MEGF11: variants seen among roughly 807,000 people sequenced by gnomAD.
The protein encoded by MEGF11 is multiple epidermal growth factor-like domains protein 11.
A neutral mutation model predicts 146.6 loss-of-function variants in MEGF11; 126 were observed. The observed-to-expected ratio is 0.86, with a 90% confidence interval of 0.74 to 1.00. The LOEUF is 1.00. Among genes scored for constraint, MEGF11 ranks in the 50% least tolerant of loss-of-function variants. MEGF11 has a pLI of 0.00. For synonymous variants in MEGF11, 532 were observed against 583.4 expected, an observed-to-expected ratio of 0.91 and a Z score of 1.27; for missense variants, 1,509 against 1,521.2, an observed-to-expected ratio of 0.99 and a Z score of 0.13.
intron 4 of MEGF11, among the ~76,000 whole-genome samples, chr15:66,103,190 T>A (rs1252782792): frequency 6.6e-6 from 1 of 152,186 alleles, no homozygotes; most frequent in Admixed American, 6.5e-5. Flanking sequence ...TGCAGCCATA[T>A]CCCATCAGCT....
rs957595114 is a variant in MEGF11, at chr15:66,069,573, T to G, written c.394+24829A>C. Among the ~76,000 whole-genome samples, 6 of 152,338 alleles carry G rather than the reference T, an allele frequency of 3.9e-5. No individual in the cohort carries two copies. In the East Asian group the frequency reaches 1.2e-3, roughly 29 times the overall value. On this transcript the variant is annotated intron_variant, in intron 5 of 25. Coordinates refer to ENST00000395614, the MANE Select transcript of MEGF11 (RefSeq NM_001385028.1). ...GGTCCCACAGTCGGGACCATGGTGATGCTGGGATAGGACCATCCTGCCTCC... is the reference window on the plus strand; with the variant it reads ...GGTCCCACAGTCGGGACCATGGTGAGGCTGGGATAGGACCATCCTGCCTCC...
intron 1 of MEGF11, among the ~76,000 whole-genome samples, chr15:66,162,229 A>G (rs2089972364): frequency 6.6e-6 from 1 of 152,212 alleles, no homozygotes. Context: ...CAATCAGGCA[A>G]TTTTTAAAAA....
chr15:66,117,666 A>G (rs7179647), intron 4 of MEGF11, among the ~76,000 whole-genome samples: 88,294 of 151,840 alleles, frequency 0.58, 26,030 homozygotes, highest in East Asian at 0.83. Context: ...CCCGTGTCCT[A>G]CCCCTGGTCT....
intron 5 of MEGF11, among the ~76,000 whole-genome samples, chr15:65,992,622 A>T (rs2082087941): frequency 6.6e-6 from 1 of 150,586 alleles, no homozygotes; most frequent in South Asian, 2.1e-4. Flanking sequence ...AGTCAAATTT[A>T]TCAACTTCGG....
At chr15:65,977,467 C>T (rs1282966665) in intron 7 of MEGF11, among the ~76,000 whole-genome samples, 1 of 150,318 alleles carries the variant, frequency 6.7e-6, no homozygotes, top group Non-Finnish European at 1.5e-5. Context: ...GCCCCAAAAA[C>T]TCTCTCCCTC....
intron 5 of MEGF11, among the ~76,000 whole-genome samples, chr15:66,005,929 C>T (rs554605499): frequency 3.1e-4 from 47 of 152,336 alleles, no homozygotes; most frequent in African/African-American, 1.1e-3. Context: ...TTCTCCAACC[C>T]TCAGTTTTCT....
intron 9 of MEGF11, 43 bp downstream of exon 9, chr15:65,964,865 A>T (rs773549094): frequency 6.7e-7 from 1 of 1,491,220 alleles, no homozygotes; most frequent in Non-Finnish European, 9.0e-7. Context: ...CTACCTGAGC[A>T]CCCCCCGCCC....
At chr15:65,996,964 G>A (rs1293021354) in intron 5 of MEGF11, among the ~76,000 whole-genome samples, 1 of 152,236 alleles carries the variant, frequency 6.6e-6, no homozygotes, top group Admixed American at 6.5e-5. Context: ...CACTTCCCCA[G>A]TGGAGTCACT....
At position 66,070,952 on chromosome 15, in the gene MEGF11, T is replaced by C. The variant is rs187586343; in HGVS notation, c.394+23450A>G. 1.4e-3 allele frequency among the ~76,000 whole-genome samples: 211 copies of C among 152,256 alleles called. 7 individuals are homozygous for C. The highest frequency in any genetic ancestry group is 0.013 in the Admixed American group (203 of 15,296). ...AAACATGGAATCGAGGAGAAAACTA[T>C]GTATTAATCTCCCCACCCCTCAAGA... is the stretch of plus-strand genomic sequence containing the variant. On this transcript the variant is annotated intron_variant, in intron 5 of 25. Coordinates refer to ENST00000395614, the MANE Select transcript of MEGF11 (RefSeq NM_001385028.1).
intron 12 of MEGF11, 147 bp from the exon 13 acceptor site, chr15:65,928,674 C>G: frequency 2.0e-6 from 1 of 496,254 alleles, no homozygotes; most frequent in Non-Finnish European, 3.6e-6. Context: ...CAGAACCCCA[C>G]AGAGATGCAG....
At chr15:65,906,214 C>T (rs2241446) in intron 23 of MEGF11, 73 bp from the exon 24 acceptor site, 189,995 of 1,115,692 alleles carry the variant, frequency 0.17, 17,809 homozygotes, top group Non-Finnish European at 0.2. Flanking sequence ...GTTCTTCTTT[C>T]TTTTCTTGCT....
intron 5 of MEGF11, among the ~76,000 whole-genome samples, chr15:66,038,256 G>A (rs2083801617): frequency 6.6e-6 from 1 of 152,186 alleles, no homozygotes; most frequent in African/African-American, 2.4e-5. Context: ...CCAGGTTTGG[G>A]GAGATGTTGA....
intron 10 of MEGF11, among the ~76,000 whole-genome samples, chr15:65,950,451 A>G (rs1430405467): frequency 6.6e-6 from 1 of 152,076 alleles, no homozygotes; most frequent in Admixed American, 6.5e-5. Flanking sequence ...GATGGCGTGC[A>G]CCTGTAGACC....
chr15:65,898,004 G>C lies in MEGF11; in HGVS notation c.3353C>G (p.Pro1118Arg). ...TACTGGGAGGAGGTCATAATGACCAGGAATATGGCTGTTCCTAGGTAGGTC... is the reference window on the plus strand; with the variant it reads ...TACTGGGAGGAGGTCATAATGACCACGAATATGGCTGTTCCTAGGTAGGTC... ...AYDLPRNSHIPGHYDLLPVRQ... is the reference protein window; with the variant it reads ...AYDLPRNSHIRGHYDLLPVRQ... Residue 1118 changes from proline (P) to arginine (R), a missense_variant, in exon 26 of 26, where the codon CCT becomes CGT. Transcript: ENST00000395614. 5 of 1,614,038 alleles carry C rather than the reference G, an allele frequency of 3.1e-6. No individual in the cohort carries two copies. Among genetic ancestry groups the C allele is most frequent in the Non-Finnish European group, 4.2e-6 (5 of 1,179,872 alleles).
intron 4 of MEGF11, among the ~76,000 whole-genome samples, chr15:66,117,917 T>A (rs2087813251): frequency 1.3e-5 from 2 of 152,174 alleles, no homozygotes; most frequent in Admixed American, 1.3e-4. Flanking sequence ...ATTCTTGTAA[T>A]GCAATTAGAA....
intron 1 of MEGF11, among the ~76,000 whole-genome samples, chr15:66,153,357 G>A (rs1417849638): frequency 2.6e-5 from 4 of 152,250 alleles, no homozygotes; most frequent in Non-Finnish European, 5.9e-5. Flanking sequence ...AGAGGATCAC[G>A]AGGTCAGGAG....
intron 1 of MEGF11, among the ~76,000 whole-genome samples, chr15:66,223,986 A>G (rs2091792478): frequency 6.6e-6 from 1 of 152,148 alleles, no homozygotes; most frequent in South Asian, 2.1e-4. Flanking sequence ...TGCTTGGCCC[A>G]GGAAGGACAG....
intron 4 of MEGF11, among the ~76,000 whole-genome samples, chr15:66,095,293 GCTC>G (rs1177460412): frequency 6.6e-6 from 1 of 152,092 alleles, no homozygotes; most frequent in Non-Finnish European, 1.5e-5. Flanking sequence ...GTCATCTTTT[GCTC>G]CTGAAAGATC....
chr15:66,223,420 G>A (rs2091780696), intron 1 of MEGF11, among the ~76,000 whole-genome samples: 2 of 152,182 alleles, frequency 1.3e-5, no homozygotes, highest in African/African-American at 2.4e-5. Context: ...ATTGACTGTG[G>A]TGATGGTTGC....
Sources: gnomAD v4.1 joint callset for allele counts (sites outside exome capture counted in the v4.1 genomes callset) on GRCh38, gnomAD v4.1.1 for gene constraint, MANE v1.5 for transcripts, NCBI Gene and HGNC (gene_info 2026-07-23, HGNC 2026-07-21) for gene names.